PCDHGB4: variants seen among roughly 807,000 people sequenced by gnomAD.
The protein encoded by PCDHGB4 is protocadherin gamma-B4.
In PCDHGB4, 38 loss-of-function variants were observed where a neutral mutation model predicts 60.5. The ratio of observed to expected loss-of-function variants is 0.63; its 90% confidence interval spans 0.48 to 0.82. The LOEUF (loss-of-function observed/expected upper bound fraction) is 0.82. PCDHGB4 is among the 40% of genes least tolerant of loss of function. The probability of loss-of-function intolerance (pLI) is 0.00; values close to 1 mark genes in which losing one functional copy is unlikely to be tolerated. For synonymous variants in PCDHGB4, 456 were observed against 509.7 expected (o/e 0.89, Z 1.42); for missense variants, 1,109 against 1,209.6 (o/e 0.92, Z 1.23).
At chr5:141,438,268 C>T (rs949472857) in intron 1 of PCDHGB4, among the ~76,000 whole-genome samples, 1 of 152,054 alleles carries the variant, frequency 6.6e-6, no homozygotes. Flanking sequence ...ACCATAGAAT[C>T]AAACAAAATA....
intron 1 of PCDHGB4, chr5:141,478,841 A>G (rs1335486924): frequency 1.4e-5 from 19 of 1,405,590 alleles, no homozygotes; most frequent in Non-Finnish European, 1.8e-5. Flanking sequence ...GGGATGGTTA[A>G]GCTAAAACAC....
In PCDHGB4 at chr5:141,388,628, G is replaced by T. The variant is rs752578230; in HGVS notation, c.744G>T (p.Arg248Ser). ...NAPVFSQDVY[R>S]VSLSENVYPG... ...CAGTGTTCAGTCAAGACGTATACAGGGTGAGCCTTTCAGAAAACGTGTACC... is the reference window on the plus strand; with the variant it reads ...CAGTGTTCAGTCAAGACGTATACAGTGTGAGCCTTTCAGAAAACGTGTACC... The change falls in exon 1 of 4, where the codon AGG becomes AGT. Residue 248 changes from arginine (R) to serine (S), a missense_variant. This residue lies in a region of PCDHGB4 where 1,068 missense variants were observed against 1,089.9 expected (regional missense o/e 0.98). Transcript: ENST00000519479. 1 of 1,613,898 alleles carries T rather than the reference G, an allele frequency of 6.2e-7. No homozygotes were observed. The highest frequency in any genetic ancestry group is 2.2e-5 in the East Asian group (1 of 44,882).
intron 2 of PCDHGB4, among the ~76,000 whole-genome samples, chr5:141,500,893 A>G (rs1393294152): frequency 1.1e-5 from 1 of 94,848 alleles, no homozygotes; most frequent in Non-Finnish European, 2.0e-5. Context: ...TTTTTTTGAG[A>G]CAGTCTCGCT....
Position 141,389,558 on chromosome 5 carries a change from A to G in PCDHGB4, c.1674A>G (p.Pro558=), listed in dbSNP as rs778077135. 14 of 1,613,148 alleles carry G rather than the reference A, an allele frequency of 8.7e-6. No individual in the cohort carries two copies. The East Asian group carries it at 8.9e-5, about 10-fold the overall frequency. The part of the protein sequence containing the change: ...VLVDDRNDNA[P]RVLYPALGPD... ...TGGACGACCGCAACGACAATGCGCC[A>G]CGGGTGCTGTACCCCGCGCTGGGTC... The change falls in exon 1 of 4, where the codon CCA becomes CCG. Residue 558 remains proline (P), a synonymous_variant. Transcript: ENST00000519479.
At position 141,477,460 on chromosome 5, in the gene PCDHGB4, C is replaced by T; in HGVS notation, c.2398-17347C>T. 6.2e-7 allele frequency: 1 copy of T among 1,614,132 alleles called. No individual in the cohort carries two copies. Among genetic ancestry groups the T allele is most frequent in the Non-Finnish European group, 8.5e-7 (1 of 1,180,020 alleles). On this transcript the variant is annotated intron_variant, in intron 1 of 3. Transcript: ENST00000519479. The surrounding 1 kb of genome is among the most constrained non-coding windows in gnomAD (Gnocchi z 4.9). ...TTACAATAGTGCGTGTTCAAGTGTC[C>T]GACATCAATGACAACCCTCCACAAT...
intron 2 of PCDHGB4, among the ~76,000 whole-genome samples, chr5:141,498,091 C>G (rs2099781521): frequency 6.6e-6 from 1 of 152,156 alleles, no homozygotes; most frequent in African/African-American, 2.4e-5. Context: ...AGAATTGTAT[C>G]TGGTGGTGTG....
At chr5:141,488,855 C>T (rs1441666819) in intron 1 of PCDHGB4, among the ~76,000 whole-genome samples, 2 of 152,190 alleles carry the variant, frequency 1.3e-5, no homozygotes, top group Non-Finnish European at 1.5e-5. Context: ...ACCTGCAGCA[C>T]GAAGTGAGTG....
At chr5:141,430,996 G>A (rs1256552269) in intron 1 of PCDHGB4, 6 of 1,614,024 alleles carry the variant, frequency 3.7e-6, no homozygotes, top group Non-Finnish European at 5.1e-6. Context: ...CCCTGAATCC[G>A]CGCAGCGGCA....
chr5:141,394,302 C>T (rs1380425662), intron 1 of PCDHGB4: 1 of 1,614,010 alleles, frequency 6.2e-7, no homozygotes, highest in Non-Finnish European at 8.5e-7. Flanking sequence ...GGACACGCTG[C>T]AGGGGGCGCC....
chr5:141,427,896 C>G, intron 1 of PCDHGB4: 1 of 1,570,508 alleles, frequency 6.4e-7, no homozygotes, highest in East Asian at 2.2e-5. Context: ...CCAGGGCTCG[C>G]CCGCGCTCAG....
At chr5:141,415,762 T>G (rs1561760360) in intron 1 of PCDHGB4, 16 of 1,399,878 alleles carry the variant, frequency 1.1e-5, no homozygotes, top group East Asian at 5.3e-5. Flanking sequence ...TTTTTTTTTT[T>G]TTTTTTTTTT....
chr5:141,390,386 A>C, intron 1 of PCDHGB4, 105 bp downstream of exon 1: 2 of 1,432,848 alleles, frequency 1.4e-6, no homozygotes, highest in Non-Finnish European at 1.9e-6. Context: ...TTTAGATGTC[A>C]TGGATCATTT....
chr5:141,423,514 G>T (rs1208270970), intron 1 of PCDHGB4: 2 of 1,613,812 alleles, frequency 1.2e-6, no homozygotes, highest in Non-Finnish European at 1.7e-6. Flanking sequence ...TCTCATTGCG[G>T]ACTCGCAGAA....
chr5:141,505,362 G>A (rs766427680), intron 2 of PCDHGB4, 31 bp from the exon 3 acceptor site: 1 of 1,613,966 alleles, frequency 6.2e-7, no homozygotes, highest in Non-Finnish European at 8.5e-7. Flanking sequence ...CGGCCTGGGA[G>A]TCTGTGCTCA....
intron 1 of PCDHGB4, among the ~76,000 whole-genome samples, chr5:141,460,418 G>C (rs905215023): frequency 3.3e-5 from 5 of 152,096 alleles, no homozygotes; most frequent in Admixed American, 6.5e-5. Flanking sequence ...TGATGTTTAT[G>C]TATGGTGTAT....
rs776120937 is a variant in PCDHGB4 at position 141,388,588 on chromosome 5, C to A, written c.704C>A (p.Ala235Asp). The change falls in exon 1 of 4, where the codon GCC becomes GAC. Residue 235 changes from alanine to aspartate, a missense_variant. By Grantham distance (126) the Ala-to-Asp change is moderately radical. Transcript: ENST00000519479. Reference protein sequence around the residue: ...TAQIHVLVTDANDNAPVFSQD... With the variant: ...TAQIHVLVTDDNDNAPVFSQD... ...CAGATACACGTTCTAGTGACTGATG[C>A]CAATGATAATGCTCCAGTGTTCAGT... The A allele has an allele frequency of 1.9e-6, 3 of 1,613,876 alleles. No individual in the cohort carries two copies. The South Asian group carries it at 3.3e-5, about 18-fold the overall frequency.
At position 141,511,916 on chromosome 5, in the gene PCDHGB4, C is replaced by T. The variant is rs2099884006; in HGVS notation, c.*743C>T. ...CCACCTCCTCCTCAAACAAGAGACT[C>T]CACTGCATGTTCCAAGACAGTATGG... On this transcript the variant is annotated 3_prime_UTR_variant, in exon 4 of 4. Coordinates refer to ENST00000519479, the MANE Select transcript of PCDHGB4 (RefSeq NM_003736.4). The T allele has an allele frequency of 6.4e-6, 1 of 156,466 alleles. No individual in the cohort carries two copies. The highest frequency in any genetic ancestry group is 2.4e-5 in the African/African-American group (1 of 41,474). The allele number at this position is 156,466 out of a possible 1,614,324, so 9.7% of individuals were successfully genotyped here.
In PCDHGB4 at chr5:141,477,605, T is replaced by A. The variant is rs1339408637; in HGVS notation, c.2398-17202T>A. On this transcript the variant is annotated intron_variant, in intron 1 of 3. Transcript: ENST00000519479. This position sits in a 1 kb window ranked among gnomAD's most constrained non-coding sequence, Gnocchi z 4.9. ...GAATGCTCGGCTTTCTTTCTTTCTCTTGGAGCAAGGAGCTGAAACCGGGCT... is the reference window on the plus strand; with the variant it reads ...GAATGCTCGGCTTTCTTTCTTTCTCATGGAGCAAGGAGCTGAAACCGGGCT... The A allele has an allele frequency of 6.2e-6, 10 of 1,614,102 alleles. No individual in the cohort carries two copies. In the South Asian group the frequency reaches 1.1e-4, roughly 18 times the overall value.
At position 141,389,944 on chromosome 5, in the gene PCDHGB4, A is replaced by T; in HGVS notation, c.2060A>T (p.Gln687Leu). Residue 687 changes from glutamine to leucine, a missense_variant, in exon 1 of 4, where the codon CAG becomes CTG. Physicochemically the swap from Gln to Leu is moderately radical, Grantham distance 113. Coordinates refer to ENST00000519479, the MANE Select transcript of PCDHGB4 (RefSeq NM_003736.4). ...CCCTCTGACCTCCAGGCTGAGCTGCAGTTTTACCTAGTGGTGGCCTTGGCC... is the reference window on the plus strand; with the variant it reads ...CCCTCTGACCTCCAGGCTGAGCTGCTGTTTTACCTAGTGGTGGCCTTGGCC... ...PDPSDLQAEL[Q>L]FYLVVALALI... 1 of 1,613,974 alleles carries T rather than the reference A, an allele frequency of 6.2e-7. No homozygotes were observed. The highest frequency in any genetic ancestry group is 2.2e-5 in the East Asian group (1 of 44,884).
Sources: gnomAD v4.1 joint callset for allele counts (sites outside exome capture counted in the v4.1 genomes callset) on GRCh38, gnomAD v4.1.1 for gene constraint, gnomAD v4.1.1 regional missense constraint, Gnocchi (gnomAD v3.1) non-coding constraint, MANE v1.5 for transcripts, NCBI Gene and HGNC (gene_info 2026-07-23, HGNC 2026-07-21) for gene names.